Variants in ATRNL1 observed in about 807,000 individuals in gnomAD.
ATRNL1 encodes the protein attractin-like protein 1.
In ATRNL1, 95 loss-of-function variants were observed where a neutral mutation model predicts 182.7. The ratio of observed to expected loss-of-function variants is 0.52; its 90% CI spans 0.44 to 0.62. The LOEUF is 0.62. ATRNL1 is among the 20% of genes least tolerant of loss of function. The probability of loss-of-function intolerance (pLI) is 0.00; values close to 1 mark genes in which losing one functional copy is unlikely to be tolerated. For missense variants in ATRNL1, 1,471 were observed against 1,679.5 expected (o/e 0.88, Z 2.17); for synonymous variants, 576 against 568.3 (o/e 1.01, Z -0.19).
chr10:115,223,887 A>ATATGTGTG (rs1554771070), intron 9 of ATRNL1, among the ~76,000 whole-genome samples: 4 of 80,090 alleles, frequency 5.0e-5, no homozygotes, highest in African/African-American at 2.1e-4. Flanking sequence ...TATTTAATAT[A>ATATGTGTG]TGTGTGTGTG....
At position 115,672,770 on chromosome 10, in the gene ATRNL1, T is replaced by G. The variant is rs1945739529; in HGVS notation, c.3796-54478T>G. On this transcript the variant is annotated intron_variant, in intron 26 of 28. Transcript: ENST00000355044. ...CAATTTTTGTCTTTCTTAAATTATT[T>G]TTTATCTCATGTTTCTATCTCATTT... is the stretch of plus-strand genomic sequence containing the variant. Among the ~76,000 whole-genome samples, 5 of 152,246 alleles carry G rather than the reference T, an allele frequency of 3.3e-5. No homozygotes were observed. The South Asian group carries it at 1.0e-3, about 32-fold the overall frequency.
intron 24 of ATRNL1, among the ~76,000 whole-genome samples, chr10:115,489,764 A>T (rs562459178): frequency 6.3e-4 from 96 of 152,276 alleles, no homozygotes; most frequent in African/African-American, 2.2e-3. Context: ...TGATCTTGTC[A>T]TTATGATGCT....
At chr10:115,919,154 T>C (rs1473031594) in intron 28 of ATRNL1, among the ~76,000 whole-genome samples, 1 of 152,116 alleles carries the variant, frequency 6.6e-6, no homozygotes, top group Non-Finnish European at 1.5e-5. Context: ...CTTCAAAAGA[T>C]AAGGGGTCAA....
At chr10:115,533,114 C>T (rs552146696) in intron 25 of ATRNL1, among the ~76,000 whole-genome samples, 31 of 152,328 alleles carry the variant, frequency 2.0e-4, no homozygotes, top group Non-Finnish European at 1.5e-4. Context: ...TGATGCTGGC[C>T]TCATAATGAG....
At chr10:115,257,614 G>A (rs1851209481) in intron 10 of ATRNL1, among the ~76,000 whole-genome samples, 2 of 152,130 alleles carry the variant, frequency 1.3e-5, no homozygotes, top group South Asian at 2.1e-4. Flanking sequence ...TCCATTTAAG[G>A]TTAATATTGT....
chr10:115,345,884 TTA>T lies in ATRNL1; in HGVS notation c.3175+11467_3175+11468del, dbSNP rs145744035. Among the ~76,000 whole-genome samples the T allele has an allele frequency of 9.0e-3, 1,371 of 152,320 alleles. 25 individuals are homozygous for T. The highest frequency in any genetic ancestry group is 0.031 in the African/African-American group (1,289 of 41,570). ...TGGGATTTCCTTCTTTCACTAAATG[TTA>T]TGTTTTTGATGTTCATTCTCATTGT... On this transcript the variant is annotated intron_variant, in intron 19 of 28. Coordinates refer to ENST00000355044, the MANE Select transcript of ATRNL1 (RefSeq NM_207303.4).
intron 26 of ATRNL1, among the ~76,000 whole-genome samples, chr10:115,636,977 C>A (rs1858916544): frequency 1.3e-5 from 2 of 152,126 alleles, no homozygotes; most frequent in African/African-American, 4.8e-5. Flanking sequence ...GGAACTGAAA[C>A]AGGACGATAA....
At chr10:115,135,362 A>G (rs1159260151) in intron 5 of ATRNL1, among the ~76,000 whole-genome samples, 1 of 152,234 alleles carries the variant, frequency 6.6e-6, no homozygotes, top group African/African-American at 2.4e-5. Context: ...ATCATGTGCA[A>G]AAATCACAAG....
At chr10:115,108,627 T>C (rs1258477479) in intron 1 of ATRNL1, among the ~76,000 whole-genome samples, 1 of 152,196 alleles carries the variant, frequency 6.6e-6, no homozygotes, top group African/African-American at 2.4e-5. Context: ...CATCATCTTG[T>C]CTGCTCCTTA....
intron 21 of ATRNL1, among the ~76,000 whole-genome samples, chr10:115,450,454 G>A (rs1847225600): frequency 6.6e-6 from 1 of 152,136 alleles, no homozygotes; most frequent in Admixed American, 6.6e-5. Flanking sequence ...CAAAATCACT[G>A]TACAAAAGTT....
chr10:115,602,853 C>CCAAA (rs782590783), intron 26 of ATRNL1, among the ~76,000 whole-genome samples: 1 of 126,712 alleles, frequency 7.9e-6, no homozygotes, highest in Non-Finnish European at 1.7e-5. Context: ...GACTCCGTCT[C>CCAAA]AAAAAAAAAA....
intron 19 of ATRNL1, among the ~76,000 whole-genome samples, chr10:115,369,961 G>C (rs528479658): frequency 6.6e-6 from 1 of 152,208 alleles, no homozygotes; most frequent in Non-Finnish European, 1.5e-5. Context: ...TAATTGCCAG[G>C]TGTTGTGGGA....
intron 24 of ATRNL1, among the ~76,000 whole-genome samples, chr10:115,502,590 A>T (rs1849900861): frequency 6.6e-6 from 1 of 152,110 alleles, no homozygotes; most frequent in African/African-American, 2.4e-5. Flanking sequence ...TCCTGACCAT[A>T]GGATATAACT....
intron 24 of ATRNL1, among the ~76,000 whole-genome samples, chr10:115,469,609 A>G (rs1254684685): frequency 6.6e-6 from 1 of 150,654 alleles, no homozygotes; most frequent in Admixed American, 6.6e-5. Context: ...TTAATTATAT[A>G]CTTTAACTGA....
chr10:115,500,514 TTGACCTCATTATTTGTATATAG>T (rs1368999247), intron 24 of ATRNL1, among the ~76,000 whole-genome samples: 1 of 152,182 alleles, frequency 6.6e-6, no homozygotes, highest in African/African-American at 2.4e-5. Flanking sequence ...TTTATTATAC[TTGACCTCATTATTTGTATATAG>T]TGCAGCAAGA....
At chr10:115,670,262 G>T (rs78271430) in intron 26 of ATRNL1, among the ~76,000 whole-genome samples, 4,215 of 152,142 alleles carry the variant, frequency 0.028, 100 homozygotes, top group East Asian at 0.13. Flanking sequence ...TTAAAAAGTG[G>T]CTGTCATATA....
intron 8 of ATRNL1, among the ~76,000 whole-genome samples, chr10:115,177,251 G>A (rs1479074188): frequency 6.6e-6 from 1 of 152,122 alleles, no homozygotes; most frequent in Non-Finnish European, 1.5e-5. Context: ...AACAGTTTCT[G>A]TGTAGTGATG....
At chr10:115,639,395 A>G (rs1555029420) in intron 26 of ATRNL1, among the ~76,000 whole-genome samples, 1 of 152,256 alleles carries the variant, frequency 6.6e-6, no homozygotes, top group East Asian at 1.9e-4. Flanking sequence ...GTGTAACAGA[A>G]GTTCTTCAAA....
intron 3 of ATRNL1, among the ~76,000 whole-genome samples, chr10:115,124,668 C>T (rs1844887672): frequency 6.6e-6 from 1 of 152,126 alleles, no homozygotes; most frequent in Non-Finnish European, 1.5e-5. Flanking sequence ...CTGGAGTGGC[C>T]ATCCCCTATT....
Sources: gnomAD v4.1 joint callset for allele counts (sites outside exome capture counted in the v4.1 genomes callset) on GRCh38, gnomAD v4.1.1 for gene constraint, MANE v1.5 for transcripts, NCBI Gene and HGNC (gene_info 2026-07-23, HGNC 2026-07-21) for gene names.